The following HSD17B7 variants were observed in gnomAD, a reference collection of about 807,000 sequenced individuals.
The protein encoded by HSD17B7 is hydroxysteroid 17-beta dehydrogenase 7.
HSD17B7 carries 17 observed loss-of-function variants against 34.1 expected under a neutral mutation model. The ratio of observed to expected loss-of-function variants is 0.50; its 90% confidence interval spans 0.34 to 0.75. The LOEUF is 0.75. Among genes scored for constraint, HSD17B7 ranks in the 30% least tolerant of loss-of-function variants. The pLI is 0.01. For missense variants in HSD17B7, 296 were observed against 406.6 expected, an observed-to-expected ratio of 0.73 and a Z score of 2.34; for synonymous variants, 122 against 154.6, an observed-to-expected ratio of 0.79 and a Z score of 1.56.
At chr1:162,798,287 C>T (rs990738084) in intron 4 of HSD17B7, 1 of 176,828 alleles carries the variant, frequency 5.7e-6, no homozygotes, top group African/African-American at 2.4e-5. Context: ...ACACTTTATT[C>T]AGGTTCTGTT....
At chr1:162,793,320 A>G (rs1261839853) in intron 2 of HSD17B7, among the ~76,000 whole-genome samples, 1 of 152,166 alleles carries the variant, frequency 6.6e-6, no homozygotes, top group East Asian at 1.9e-4. Flanking sequence ...GGCGTGAGCC[A>G]TTGCGCCTGG....
intron 7 of HSD17B7, 58 bp from the exon 8 acceptor site, chr1:162,805,336 C>T (rs1458392631): frequency 1.3e-6 from 2 of 1,592,716 alleles, no homozygotes; most frequent in Admixed American, 1.7e-5. Flanking sequence ...TGAATCTCCA[C>T]CAGCCTCACT....
intron 5 of HSD17B7, among the ~76,000 whole-genome samples, chr1:162,801,053 C>T (rs1648799038): frequency 6.6e-6 from 1 of 152,100 alleles, no homozygotes; most frequent in Admixed American, 6.5e-5. Context: ...AATCATGGCT[C>T]ACTGCAACCT....
At chr1:162,797,958 T>G in intron 4 of HSD17B7, 42 bp downstream of exon 4, 1 of 1,606,624 alleles carries the variant, frequency 6.2e-7, no homozygotes, top group Non-Finnish European at 8.5e-7. Flanking sequence ...TTTCGTGTGA[T>G]AGTTTCTGTA....
chr1:162,799,587 A>T, intron 4 of HSD17B7, 156 bp from the exon 5 acceptor site: 1 of 595,962 alleles, frequency 1.7e-6, no homozygotes, highest in Non-Finnish European at 3.0e-6. Flanking sequence ...ATATCTATAA[A>T]TATTTTTCTG....
Position 162,799,876 on chromosome 1 carries a change from G to C in HSD17B7, c.581G>C (p.Ser194Thr). 1 of 1,614,098 alleles carries C rather than the reference G, an allele frequency of 6.2e-7. No individual in the cohort carries two copies. Among genetic ancestry groups the C allele is most frequent in the South Asian group, 1.1e-5 (1 of 91,062 alleles). ...FQHSKGKEPY[S>T]SSKYATDLLS... is the part of the protein sequence containing the mutation. ...CACAGCAAAGGCAAGGAACCCTACA[G>C]CTCTTCCAAATATGCCACTGACCTT... The change falls in exon 5 of 9, where the codon AGC becomes ACC. Residue 194 changes from serine (S) to threonine (T), a missense_variant. Coordinates refer to ENST00000254521, the MANE Select transcript of HSD17B7 (RefSeq NM_016371.4).
At chr1:162,811,549 A>G (rs1003214282) in intron 8 of HSD17B7, among the ~76,000 whole-genome samples, 6 of 152,228 alleles carry the variant, frequency 3.9e-5, no homozygotes, top group African/African-American at 1.4e-4. Flanking sequence ...TTTCTGCATG[A>G]AACACAAGAA....
At chr1:162,809,659 A>C (rs1439632669) in intron 8 of HSD17B7, among the ~76,000 whole-genome samples, 1 of 152,144 alleles carries the variant, frequency 6.6e-6, no homozygotes, top group African/African-American at 2.4e-5. Context: ...TTATTGGTCT[A>C]TTCAGAGATT....
chr1:162,811,397 T>C (rs1649166147), intron 8 of HSD17B7, among the ~76,000 whole-genome samples: 1 of 152,170 alleles, frequency 6.6e-6, no homozygotes, highest in African/African-American at 2.4e-5. Flanking sequence ...ATTTTCAAAA[T>C]GTTCAAAAGT....
At chr1:162,795,725 G>A (rs1424405612) in intron 2 of HSD17B7, 1 of 431,062 alleles carries the variant, frequency 2.3e-6, no homozygotes, top group Non-Finnish European at 4.6e-6. Flanking sequence ...GTTATTCAGA[G>A]ACAGTTTGGT....
At chr1:162,804,523 A>G (rs1648918105) in intron 7 of HSD17B7, among the ~76,000 whole-genome samples, 200 bp downstream of exon 7, 1 of 152,186 alleles carries the variant, frequency 6.6e-6, no homozygotes, top group South Asian at 2.1e-4. Context: ...TTTAACATCT[A>G]CCATGGCACT....
At chr1:162,808,293 T>A (rs996681660) in intron 8 of HSD17B7, among the ~76,000 whole-genome samples, 2 of 152,098 alleles carry the variant, frequency 1.3e-5, no homozygotes, top group African/African-American at 4.8e-5. Flanking sequence ...TGCAGCATTA[T>A]TTCTGAGGGC....
chr1:162,803,486 G>A lies in HSD17B7; in HGVS notation c.698G>A (p.Gly233Glu). 6.2e-7 allele frequency: 1 copy of A among 1,613,048 alleles called. No individual in the cohort carries two copies. The highest frequency in any genetic ancestry group is 1.7e-4 in the Middle Eastern group (1 of 6,054). ...PGTALTNLTY[G>E]ILPPFIWTLL... Reference sequence around the variant, plus strand: ...ACAGCATTGACCAATTTGACATATGGAATTCTGCCTCCGTTTATATGGACG... The same window carrying A: ...ACAGCATTGACCAATTTGACATATGAAATTCTGCCTCCGTTTATATGGACG... Residue 233 changes from glycine to glutamate, a missense_variant, in exon 6 of 9, where the codon GGA becomes GAA. By Grantham distance (98) the Gly-to-Glu change is moderately conservative (BLOSUM62 -2). Transcript: ENST00000254521.
chr1:162,792,544 T>C, intron 1 of HSD17B7, 115 bp from the exon 2 acceptor site: 4 of 1,378,196 alleles, frequency 2.9e-6, no homozygotes, highest in Non-Finnish European at 3.9e-6. Context: ...CTTTTCTTTC[T>C]ATCTGGGCTT....
intron 7 of HSD17B7, among the ~76,000 whole-genome samples, chr1:162,804,579 AC>A (rs1648919449): frequency 6.6e-6 from 1 of 152,118 alleles, no homozygotes; most frequent in African/African-American, 2.4e-5. Context: ...GGCAAGATAC[AC>A]CAGCAGCTAG....
rs755056811 is a variant in HSD17B7 at position 162,812,373 on chromosome 1, A to G, written c.979A>G (p.Ile327Val). The G allele has an allele frequency of 1.2e-6, 2 of 1,610,560 alleles. No individual in the cohort carries two copies. The highest frequency in any genetic ancestry group is 1.7e-6 in the Non-Finnish European group (2 of 1,178,136). Residue 327 changes from isoleucine (I) to valine (V), a missense_variant, in exon 9 of 9, where the codon ATT (isoleucine) becomes GTT (valine). Physicochemically the swap from Ile to Val is conservative, Grantham distance 29. Coordinates refer to ENST00000254521, the MANE Select transcript of HSD17B7 (RefSeq NM_016371.4). ...LELEKHIRVT[I>V]QKTDNQARLS... ...ACTGGAAAAGCACATTAGGGTCACT[A>G]TTCAAAAAACAGATAATCAGGCCAG...
At position 162,799,841 on chromosome 1, in the gene HSD17B7, G is replaced by A. The variant is rs551820603; in HGVS notation, c.546G>A (p.Glu182=). Residue 182 remains glutamate, a synonymous_variant, in exon 5 of 9, where the codon GAG becomes GAA. Coordinates refer to ENST00000254521, the MANE Select transcript of HSD17B7 (RefSeq NM_016371.4). Reference sequence around the variant, plus strand: ...CAAGGAAATCTAATTTCAGCCTCGAGGACTTCCAGCACAGCAAAGGCAAGG... The same window carrying A: ...CAAGGAAATCTAATTTCAGCCTCGAAGACTTCCAGCACAGCAAAGGCAAGG... The part of the protein sequence containing the change: ...RSARKSNFSL[E]DFQHSKGKEP... 3.1e-6 allele frequency: 5 copies of A among 1,613,968 alleles called. No homozygotes were observed. In the South Asian group the frequency reaches 5.5e-5, roughly 18 times the overall value.
intron 3 of HSD17B7, 186 bp from the exon 4 acceptor site, chr1:162,797,616 A>G: frequency 1.6e-6 from 1 of 626,878 alleles, no homozygotes; most frequent in Non-Finnish European, 2.7e-6. Flanking sequence ...TAGTGGGGGG[A>G]AGGAGGGTCT....
rs35961178 is a variant in HSD17B7, at chr1:162,804,262, C to T, written c.748-5C>T. 2,916 of 1,605,008 alleles carry T rather than the reference C, an allele frequency of 1.8e-3. 42 individuals are homozygous for T. The African/African-American group carries it at 0.034, about 19-fold the overall frequency. On this transcript the variant is annotated splice_region_variant and splice_polypyrimidine_tract_variant and intron_variant, in intron 6 of 8. Coordinates refer to ENST00000254521, the MANE Select transcript of HSD17B7 (RefSeq NM_016371.4). The stretch of plus-strand genomic sequence containing the variant: ...AAAAAATAACAGTTGTTTTCTTTTC[C>T]GCAGCTTCGCTTTTTTGCAAATGCA...
Sources: allele counts gnomAD v4.1 joint callset (sites outside exome capture counted in the v4.1 genomes callset), GRCh38; gene constraint gnomAD v4.1.1; transcripts MANE v1.5; gene names NCBI Gene and HGNC (gene_info 2026-07-23, HGNC 2026-07-21).